The following TTC28 variants were observed in gnomAD, a reference collection of about 807,000 sequenced individuals.
TTC28 encodes tetratricopeptide repeat domain 28.
TTC28 carries 61 observed loss-of-function variants against 198.0 expected under a neutral mutation model. The observed-to-expected ratio is 0.31, with a 90% CI of 0.25 to 0.38. TTC28 has a LOEUF of 0.38. TTC28 is among the 10% of genes least tolerant of loss of function. The pLI is 1.00. For missense variants in TTC28, 2,678 were observed against 3,164.0 expected, an observed-to-expected ratio of 0.85 and a Z score of 3.69; for synonymous variants, 1,171 against 1,297.8, an observed-to-expected ratio of 0.90 and a Z score of 2.10.
At chr22:28,021,828 G>A (rs1938616114) in intron 13 of TTC28, among the ~76,000 whole-genome samples, 1 of 152,132 alleles carries the variant, frequency 6.6e-6, no homozygotes, top group Non-Finnish European at 1.5e-5. Context: ...TCACCCCAGG[G>A]CACATCTGGC....
chr22:28,397,828 G>A (rs2046841107), intron 2 of TTC28, among the ~76,000 whole-genome samples: 1 of 152,154 alleles, frequency 6.6e-6, no homozygotes, highest in Non-Finnish European at 1.5e-5. Context: ...ATGTACAAAG[G>A]AAATCCAGAT....
intron 5 of TTC28, among the ~76,000 whole-genome samples, chr22:28,172,330 CT>C (rs1922762973): frequency 6.6e-6 from 1 of 152,242 alleles, no homozygotes; most frequent in Admixed American, 6.5e-5. Context: ...CCATGAGCCC[CT>C]GTCAAATATG....
chr22:27,987,981 G>T (rs1419078524), intron 21 of TTC28, among the ~76,000 whole-genome samples: 4 of 152,208 alleles, frequency 2.6e-5, no homozygotes, highest in Non-Finnish European at 5.9e-5. Flanking sequence ...GGGAGGCTGT[G>T]TGGGAGGGTT....
At position 28,107,773 on chromosome 22, in the gene TTC28, C is replaced by G; in HGVS notation, c.2072G>C (p.Ser691Thr). The G allele has an allele frequency of 6.4e-7, 1 of 1,552,010 alleles. No individual in the cohort carries two copies. The highest frequency in any genetic ancestry group is 8.7e-7 in the Non-Finnish European group (1 of 1,147,060). The change falls in exon 7 of 23, where the codon AGT becomes ACT. Residue 691 changes from serine (S) to threonine (T), a missense_variant. Ser to Thr is a moderately conservative substitution (Grantham distance 58). Transcript: ENST00000397906. ...GLAFKALLNF[S>T]KAEECQKYLL... is the part of the protein sequence containing the mutation. The stretch of plus-strand genomic sequence containing the variant: ...GTACTTCTGACACTCTTCAGCTTTA[C>G]TGAAATTCAGCAGAGCCTTGAATGC...
chr22:28,335,010 C>A (rs1026116333), intron 2 of TTC28, among the ~76,000 whole-genome samples: 2 of 152,062 alleles, frequency 1.3e-5, no homozygotes, highest in African/African-American at 4.8e-5. Flanking sequence ...AGTCTTTAAC[C>A]CATCTTGAGT....
At chr22:28,507,261 A>G (rs1023962518) in intron 2 of TTC28, among the ~76,000 whole-genome samples, 7 of 152,230 alleles carry the variant, frequency 4.6e-5, no homozygotes, top group Non-Finnish European at 8.8e-5. Flanking sequence ...AAACCTCACA[A>G]TGCCATCACA....
At chr22:28,428,675 G>C (rs2047387408) in intron 2 of TTC28, among the ~76,000 whole-genome samples, 1 of 149,302 alleles carries the variant, frequency 6.7e-6, no homozygotes, top group Admixed American at 6.6e-5. Context: ...GTCTTGTTCT[G>C]TTGCCCAGGC....
rs60177369 is a variant in TTC28, at chr22:28,199,548, T to TATATATAC, written c.934-35950_934-35949insGTATATAT. On this transcript the variant is annotated intron_variant, in intron 5 of 22. Transcript: ENST00000397906. ...ACCTATACATATATATATATATATATACACACAAACACTAAATTATTTGTG... is the reference window on the plus strand; with the variant it reads ...ACCTATACATATATATATATATATATATATATACACACACAAACACTAAATTATTTGTG... Among the ~76,000 whole-genome samples, 5 of 147,472 alleles carry TATATATAC rather than the reference T, an allele frequency of 3.4e-5. No individual in the cohort carries two copies. The East Asian group carries it at 7.9e-4, about 23-fold the overall frequency.
chr22:28,376,552 A>C (rs994843165), intron 2 of TTC28, among the ~76,000 whole-genome samples: 1 of 152,200 alleles, frequency 6.6e-6, no homozygotes, highest in Admixed American at 6.5e-5. Flanking sequence ...AAAAAAATAA[A>C]TCTTCAGACA....
intron 6 of TTC28, among the ~76,000 whole-genome samples, chr22:28,154,921 C>T (rs1943719223): frequency 6.6e-6 from 1 of 152,116 alleles, no homozygotes; most frequent in Admixed American, 6.5e-5. Flanking sequence ...TTTACCTGTG[C>T]ACAGGAAGCT....
intron 2 of TTC28, among the ~76,000 whole-genome samples, chr22:28,342,725 A>G (rs2045850785): frequency 6.6e-6 from 1 of 152,232 alleles, no homozygotes; most frequent in Non-Finnish European, 1.5e-5. Flanking sequence ...ACATTTTAGA[A>G]CTGAAATATC....
chr22:28,169,094 A>G (rs1237758350), intron 5 of TTC28, among the ~76,000 whole-genome samples: 3 of 152,272 alleles, frequency 2.0e-5, no homozygotes, highest in Non-Finnish European at 4.4e-5. Context: ...ACTGGCCATC[A>G]GAGAAATGCA....
At chr22:28,100,404 T>G (rs1942107968) in intron 9 of TTC28, among the ~76,000 whole-genome samples, 1 of 152,230 alleles carries the variant, frequency 6.6e-6, no homozygotes, top group African/African-American at 2.4e-5. Flanking sequence ...CTTTGAAAAT[T>G]GCAAATCACA....
At chr22:28,456,160 GA>G (rs777082418) in intron 2 of TTC28, among the ~76,000 whole-genome samples, 192 of 106,302 alleles carry the variant, frequency 1.8e-3, no homozygotes, top group Admixed American at 2.0e-3. Context: ...CTCTGTCTCA[GA>G]AAAAAAAAAA....
intron 2 of TTC28, among the ~76,000 whole-genome samples, chr22:28,579,904 A>G (rs1305209845): frequency 6.6e-6 from 1 of 152,094 alleles, no homozygotes; most frequent in Non-Finnish European, 1.5e-5. Flanking sequence ...CCGGAGACAG[A>G]AGTTGCGGTG....
At chr22:28,317,277 C>T (rs535048454) in intron 2 of TTC28, among the ~76,000 whole-genome samples, 138 of 151,994 alleles carry the variant, frequency 9.1e-4, no homozygotes, top group Middle Eastern at 3.4e-3. Flanking sequence ...GATTGATTTC[C>T]TTGTGAGTTG....
intron 2 of TTC28, among the ~76,000 whole-genome samples, chr22:28,530,065 G>T (rs773714666): frequency 1.3e-5 from 2 of 152,178 alleles, no homozygotes; most frequent in Non-Finnish European, 2.9e-5. Flanking sequence ...TGACTTCGAC[G>T]GTTGAGAGAA....
At chr22:28,142,315 G>A (rs1404948355) in intron 6 of TTC28, among the ~76,000 whole-genome samples, 3 of 152,192 alleles carry the variant, frequency 2.0e-5, no homozygotes, top group African/African-American at 4.8e-5. Context: ...GAATAGAGGA[G>A]TAACCATGTC....
chr22:28,052,434 C>T (rs1940124577), intron 12 of TTC28, among the ~76,000 whole-genome samples: 2 of 152,152 alleles, frequency 1.3e-5, no homozygotes, highest in South Asian at 4.1e-4. Flanking sequence ...CCCCAGGAAG[C>T]CCAGCCAGTA....
Sources: gnomAD v4.1 joint callset for allele counts (sites outside exome capture counted in the v4.1 genomes callset) on GRCh38, gnomAD v4.1.1 for gene constraint, MANE v1.5 for transcripts, NCBI Gene and HGNC (gene_info 2026-07-23, HGNC 2026-07-21) for gene names.